PRAMEF15: variants seen among roughly 807,000 people sequenced by gnomAD.
PRAMEF15 encodes PRAME family member 15.
Under a neutral mutation model 35.3 loss-of-function variants are expected in PRAMEF15, and 21 were observed. The ratio of observed to expected loss-of-function variants is 0.59; its 90% CI spans 0.42 to 0.86. The LOEUF is 0.86. Ranked by LOEUF, PRAMEF15 falls within the 40% of genes least tolerant of loss-of-function variation. PRAMEF15 has a pLI of 0.00. For synonymous variants in PRAMEF15, 122 were observed against 223.3 expected (o/e 0.55, Z 4.05); for missense variants, 360 against 574.1 (o/e 0.63, Z 3.81).
At chr1:13,320,075 C>A (rs1188787865) in intron 3 of PRAMEF15, 122 bp downstream of exon 3, 1 of 1,579,816 alleles carries the variant, frequency 6.3e-7, no homozygotes, top group Non-Finnish European at 8.6e-7. Flanking sequence ...ACTAGAATGT[C>A]CATGCATTGT....
chr1:13,317,268 C>T (rs1331382113), intron 1 of PRAMEF15, among the ~76,000 whole-genome samples: 15 of 151,920 alleles, frequency 9.9e-5, no homozygotes, highest in African/African-American at 3.6e-4. Context: ...CAGGGTTTTA[C>T]CATGTTGGCC....
intron 3 of PRAMEF15, among the ~76,000 whole-genome samples, chr1:13,320,572 A>G (rs1322006201): frequency 1.8e-4 from 27 of 151,868 alleles, no homozygotes; most frequent in African/African-American, 5.3e-4. Context: ...TACAGGCGTG[A>G]GCCACCACAC....
intron 1 of PRAMEF15, among the ~76,000 whole-genome samples, chr1:13,317,843 A>C (rs1253244221): frequency 6.7e-6 from 1 of 150,340 alleles, no homozygotes; most frequent in Non-Finnish European, 1.5e-5. Context: ...AAAGAAGACA[A>C]GAAAGAAAGA....
rs1385000473 is a variant in PRAMEF15, at chr1:13,319,680, T to G, written c.602T>G (p.Leu201Arg). The stretch of plus-strand genomic sequence containing the variant: ...CCCTTCCGCAATATCAGAAGCATCC[T>G]GAAAATGGTGAACCTAGACTGTATC... ...GMPFRNIRSILKMVNLDCIQE... is the reference protein window; with the variant it reads ...GMPFRNIRSIRKMVNLDCIQE... Residue 201 changes from leucine to arginine, a missense_variant, in exon 3 of 4, where the codon CTG (leucine) becomes CGG (arginine). This residue lies in a region of PRAMEF15 where 36 missense variants were observed against 164.8 expected (regional missense o/e 0.22). Transcript: ENST00000376152. 6.3e-7 allele frequency: 1 copy of G among 1,595,244 alleles called. No homozygotes were observed. Among genetic ancestry groups the G allele is most frequent in the African/African-American group, 1.3e-5 (1 of 74,666 alleles).
intron 1 of PRAMEF15, among the ~76,000 whole-genome samples, chr1:13,316,114 C>T (rs1177861688): frequency 1.3e-5 from 2 of 151,464 alleles, no homozygotes; most frequent in Admixed American, 6.6e-5. Context: ...ATTCTCATGC[C>T]TCAGTCTCCA....
At chr1:13,316,461 T>G (rs1304970963) in intron 1 of PRAMEF15, among the ~76,000 whole-genome samples, 1 of 151,608 alleles carries the variant, frequency 6.6e-6, no homozygotes, top group East Asian at 1.9e-4. Flanking sequence ...AAAGGATCTT[T>G]GACCGTAATT....
At chr1:13,316,923 AG>A (rs1640012289) in intron 1 of PRAMEF15, among the ~76,000 whole-genome samples, 1 of 150,050 alleles carries the variant, frequency 6.7e-6, no homozygotes, top group Non-Finnish European at 1.5e-5. Flanking sequence ...ATGTTTGTGA[AG>A]GGAATCAGTG....
chr1:13,322,138 G>C lies in PRAMEF15; in HGVS notation c.1311G>C (p.Arg437Ser). 2 of 1,609,322 alleles carry C rather than the reference G, an allele frequency of 1.2e-6. No individual in the cohort carries two copies. The highest frequency in any genetic ancestry group is 3.4e-5 in the Admixed American group (2 of 59,548). ...TLCWSRFAQI[R>S]AELMNRVRDL... ...GCTGGAGCAGATTTGCTCAAATTAG[G>C]GCTGAGCTGATGAACAGAGTGAGGG... is the stretch of plus-strand genomic sequence containing the variant. The change falls in exon 4 of 4, where the codon AGG becomes AGC. Residue 437 changes from arginine (R) to serine (S), a missense_variant. Physicochemically the swap from Arg to Ser is moderately radical, Grantham distance 110. Transcript: ENST00000376152.
chr1:13,316,387 T>G (rs1640002850), intron 1 of PRAMEF15, among the ~76,000 whole-genome samples: 1 of 151,552 alleles, frequency 6.6e-6, no homozygotes, highest in African/African-American at 2.4e-5. Flanking sequence ...CTCATACCAC[T>G]GCTGTACTCC....
intron 1 of PRAMEF15, among the ~76,000 whole-genome samples, chr1:13,317,165 G>A (rs1276041650): frequency 2.0e-4 from 30 of 151,588 alleles, no homozygotes; most frequent in Admixed American, 7.2e-4. Context: ...TGCCTCCTGG[G>A]TTCAAGTGAT....
chr1:13,318,085 T>C (rs1393295307), intron 1 of PRAMEF15, among the ~76,000 whole-genome samples: 1 of 151,216 alleles, frequency 6.6e-6, no homozygotes, highest in Non-Finnish European at 1.5e-5. Context: ...GAGTAATTAG[T>C]AATTTCCCCC....
intron 2 of PRAMEF15, among the ~76,000 whole-genome samples, 198 bp downstream of exon 2, chr1:13,318,898 T>C (rs1484395493): frequency 6.6e-6 from 1 of 151,728 alleles, no homozygotes; most frequent in African/African-American, 2.4e-5. Flanking sequence ...TCTCCTCTAA[T>C]GGCACTGAAA....
intron 1 of PRAMEF15, among the ~76,000 whole-genome samples, chr1:13,316,836 G>T (rs1218377783): frequency 6.6e-6 from 1 of 151,252 alleles, no homozygotes; most frequent in Non-Finnish European, 1.5e-5. Flanking sequence ...CTTTCTTTCT[G>T]TCTAATATCA....
Position 13,319,510 on chromosome 1 carries a change from A to T in PRAMEF15, c.432A>T (p.Arg144Ser). ...KKPVQDCPRM[R>S]GRQPLTVFVE... ...CAGTGCAGGACTGTCCAAGGATGAGAGGACGGCAGCCCTTGACTGTGTTCG... is the reference window on the plus strand; with the variant it reads ...CAGTGCAGGACTGTCCAAGGATGAGTGGACGGCAGCCCTTGACTGTGTTCG... The change falls in exon 3 of 4, where the codon AGA becomes AGT. Residue 144 changes from arginine (R) to serine (S), a missense_variant. Arg to Ser is a moderately radical substitution (Grantham distance 110). Transcript: ENST00000376152. 1 of 1,613,942 alleles carries T rather than the reference A, an allele frequency of 6.2e-7. No individual in the cohort carries two copies. Among genetic ancestry groups the T allele is most frequent in the South Asian group, 1.1e-5 (1 of 91,074 alleles).
At chr1:13,315,968 T>A (rs1639997300) in intron 1 of PRAMEF15, among the ~76,000 whole-genome samples, 1 of 151,312 alleles carries the variant, frequency 6.6e-6, no homozygotes, top group Non-Finnish European at 1.5e-5. Context: ...GAGACCAACC[T>A]GGACAACATG....
rs2100321364 is a variant in PRAMEF15, at chr1:13,319,406, G to A, written c.328G>A (p.Val110Ile). Residue 110 changes from valine to isoleucine, a missense_variant, in exon 3 of 4, where the codon GTC becomes ATC. Physicochemically the swap from Val to Ile is conservative, Grantham distance 29 (BLOSUM62 3). This residue lies in a region of PRAMEF15 where 44 missense variants were observed against 25.9 expected (regional missense o/e 1.70). Coordinates refer to ENST00000376152, the MANE Select transcript of PRAMEF15 (RefSeq NM_001098376.3). ...ACTCCAAGTGCTGGATTTACAGGAT[G>A]TCTGTGAGAACTTCTGGATGGTTTG... ...WKLQVLDLQDVCENFWMVWSE... is the reference protein window; with the variant it reads ...WKLQVLDLQDICENFWMVWSE... 5 of 1,612,068 alleles carry A rather than the reference G, an allele frequency of 3.1e-6. No homozygotes were observed. Among genetic ancestry groups the A allele is most frequent in the East Asian group, 2.2e-5 (1 of 44,866 alleles).
chr1:13,320,405 T>C (rs1360014926), intron 3 of PRAMEF15, among the ~76,000 whole-genome samples: 3 of 151,848 alleles, frequency 2.0e-5, no homozygotes, highest in African/African-American at 7.3e-5. Flanking sequence ...AATGAATAAA[T>C]AAAAGTAAAA....
Position 13,322,101 on chromosome 1 carries a change from A to C in PRAMEF15, c.1274A>C (p.Asp425Ala). ...GCCCCCCGAGAGAGTTATGGTGCTGATGGTACTCTCTGCTGGAGCAGATTT... is the reference window on the plus strand; with the variant it reads ...GCCCCCCGAGAGAGTTATGGTGCTGCTGGTACTCTCTGCTGGAGCAGATTT... ...YPAPRESYGADGTLCWSRFAQ... is the reference protein window; with the variant it reads ...YPAPRESYGAAGTLCWSRFAQ... The change falls in exon 4 of 4, where the codon GAT becomes GCT. Residue 425 changes from aspartate to alanine, a missense_variant. Asp to Ala is a moderately radical substitution (Grantham distance 126, BLOSUM62 -2). Around this residue, in one of 8 missense-constraint regions of PRAMEF15, gnomAD observed 147 missense variants for 123.5 expected, o/e 1.19. Coordinates refer to ENST00000376152, the MANE Select transcript of PRAMEF15 (RefSeq NM_001098376.3). 2 of 1,609,358 alleles carry C rather than the reference A, an allele frequency of 1.2e-6. No individual in the cohort carries two copies. Among genetic ancestry groups the C allele is most frequent in the Non-Finnish European group, 1.7e-6 (2 of 1,178,940 alleles).
chr1:13,318,979 G>A (rs2100320265), intron 2 of PRAMEF15, among the ~76,000 whole-genome samples: 1 of 152,062 alleles, frequency 6.6e-6, no homozygotes, highest in Non-Finnish European at 1.5e-5. Flanking sequence ...TTGGGAGGCT[G>A]AGGTCAAGAG....
Sources: gnomAD v4.1 joint callset for allele counts (sites outside exome capture counted in the v4.1 genomes callset) on GRCh38, gnomAD v4.1.1 for gene constraint, gnomAD v4.1.1 regional missense constraint, MANE v1.5 for transcripts, NCBI Gene and HGNC (gene_info 2026-07-23, HGNC 2026-07-21) for gene names.